Variants in PTPRN2 observed in about 807,000 individuals in gnomAD.
PTPRN2 encodes the protein protein tyrosine phosphatase receptor type N2.
In PTPRN2, 74 loss-of-function variants were observed where a neutral mutation model predicts 118.8. The ratio of observed to expected loss-of-function variants is 0.62; its 90% CI spans 0.52 to 0.76. The LOEUF is 0.76. Ranked by LOEUF, PTPRN2 falls within the 30% of genes least tolerant of loss-of-function variation. The probability of loss-of-function intolerance (pLI) is 0.00; values close to 1 mark genes in which losing one functional copy is unlikely to be tolerated. For missense variants in PTPRN2, 1,481 were observed against 1,394.4 expected (o/e 1.06, Z -0.99); for synonymous variants, 641 against 608.0 (o/e 1.05, Z -0.80).
At chr7:157,940,527 C>T (rs1225739629) in intron 11 of PTPRN2, among the ~76,000 whole-genome samples, 3 of 148,340 alleles carry the variant, frequency 2.0e-5, no homozygotes, top group Non-Finnish European at 3.0e-5. Flanking sequence ...AAATCTCATA[C>T]CCTCCCCTGT....
At chr7:157,877,571 G>A (rs528513810) in intron 12 of PTPRN2, among the ~76,000 whole-genome samples, 17 of 152,280 alleles carry the variant, frequency 1.1e-4, no homozygotes, top group African/African-American at 3.8e-4. Flanking sequence ...GGGTTTCCTC[G>A]GGGTCCTCTC....
At chr7:157,989,043 A>C (rs1312512098) in intron 11 of PTPRN2, among the ~76,000 whole-genome samples, 11 of 152,246 alleles carry the variant, frequency 7.2e-5, no homozygotes, top group Admixed American at 7.2e-4. Flanking sequence ...TAAGGAACTG[A>C]CATTCTAAAG....
At chr7:158,122,066 G>C (rs565322053) in intron 9 of PTPRN2, among the ~76,000 whole-genome samples, 2 of 152,328 alleles carry the variant, frequency 1.3e-5, no homozygotes, top group Admixed American at 1.3e-4. Flanking sequence ...CAGGTGCGAC[G>C]TGCTGTGTCT....
chr7:158,508,588 G>A (rs1175032868), intron 1 of PTPRN2, among the ~76,000 whole-genome samples: 1 of 151,818 alleles, frequency 6.6e-6, no homozygotes, highest in African/African-American at 2.4e-5. Flanking sequence ...AAGTGGCTCC[G>A]CTCCTGTGGG....
At chr7:158,337,764 C>CCA (rs1805972472) in intron 2 of PTPRN2, among the ~76,000 whole-genome samples, 12 of 94,456 alleles carry the variant, frequency 1.3e-4, no homozygotes, top group South Asian at 4.1e-4. Flanking sequence ...GAGGTGACAC[C>CCA]TGCAAACGTC....
chr7:158,530,042 T>C (rs149680903), intron 1 of PTPRN2, among the ~76,000 whole-genome samples: 17 of 152,284 alleles, frequency 1.1e-4, no homozygotes, highest in Middle Eastern at 3.4e-3. Context: ...TCCAAGTTTC[T>C]GTCACAACCA....
chr7:157,561,808 C>T (rs893140141), intron 21 of PTPRN2, among the ~76,000 whole-genome samples: 1 of 152,252 alleles, frequency 6.6e-6, no homozygotes, highest in Non-Finnish European at 1.5e-5. Context: ...ACCTGTCTCT[C>T]GGCAGAGCAG....
intron 2 of PTPRN2, among the ~76,000 whole-genome samples, chr7:158,380,697 C>A (rs1175653947): frequency 6.6e-6 from 1 of 152,240 alleles, no homozygotes; most frequent in African/African-American, 2.4e-5. Flanking sequence ...AGACAGTGCC[C>A]CAGTAGGGAC....
rs189715804 is a variant in PTPRN2, at chr7:158,276,002, T to C, written c.277+40817A>G. Among the ~76,000 whole-genome samples, 181 of 152,324 alleles carry C rather than the reference T, an allele frequency of 1.2e-3. 1 individual carries two copies. Among genetic ancestry groups the C allele is most frequent in the African/African-American group, 2.6e-3 (110 of 41,554 alleles). ...AGCATCCCCGCCGCCTTACACGTGCTATGGCTGCCCTCTGACTCTGCTGCC... is the reference window on the plus strand; with the variant it reads ...AGCATCCCCGCCGCCTTACACGTGCCATGGCTGCCCTCTGACTCTGCTGCC... On this transcript the variant is annotated intron_variant, in intron 3 of 22. Transcript: ENST00000389418.
At chr7:158,431,538 C>T (rs996659807) in intron 2 of PTPRN2, among the ~76,000 whole-genome samples, 6 of 137,014 alleles carry the variant, frequency 4.4e-5, no homozygotes, top group African/African-American at 1.4e-4. Flanking sequence ...TGGCTCACAT[C>T]GAGCACACAC....
At chr7:158,085,152 C>T (rs1181283454) in intron 10 of PTPRN2, among the ~76,000 whole-genome samples, 3 of 134,726 alleles carry the variant, frequency 2.2e-5, no homozygotes, top group Non-Finnish European at 4.8e-5. Flanking sequence ...CATCCACACC[C>T]TCGACGCCCA....
chr7:157,941,796 T>A (rs1047936735), intron 11 of PTPRN2, among the ~76,000 whole-genome samples: 1 of 152,064 alleles, frequency 6.6e-6, no homozygotes, highest in Non-Finnish European at 1.5e-5. Flanking sequence ...TCCCTCCCAA[T>A]AGCCCTCCCA....
At chr7:157,970,174 G>A (rs112781355) in intron 11 of PTPRN2, among the ~76,000 whole-genome samples, 224 of 152,334 alleles carry the variant, frequency 1.5e-3, no homozygotes, top group Middle Eastern at 3.4e-3. Context: ...GGGCCACACT[G>A]TTGGAAATAA....
intron 2 of PTPRN2, among the ~76,000 whole-genome samples, chr7:158,338,263 C>G (rs534991438): frequency 1.3e-5 from 1 of 78,724 alleles, no homozygotes; most frequent in Non-Finnish European, 2.5e-5. Context: ...CACACCCACA[C>G]TCTCACCATA....
intron 12 of PTPRN2, among the ~76,000 whole-genome samples, chr7:157,704,379 A>G (rs1798224916): frequency 6.6e-6 from 1 of 152,204 alleles, no homozygotes; most frequent in Admixed American, 6.5e-5. Flanking sequence ...ATGGATGCCA[A>G]TGGAAATTCT....
intron 4 of PTPRN2, among the ~76,000 whole-genome samples, chr7:158,203,506 G>C (rs896012077): frequency 6.6e-6 from 1 of 152,094 alleles, no homozygotes; most frequent in Admixed American, 6.5e-5. Context: ...TGCTGAGTTT[G>C]ATTTCTCAGA....
At chr7:158,348,180 C>T (rs1291498828) in intron 2 of PTPRN2, among the ~76,000 whole-genome samples, 1 of 152,080 alleles carries the variant, frequency 6.6e-6, no homozygotes, top group Non-Finnish European at 1.5e-5. Flanking sequence ...AGCAGCCATC[C>T]CAACACCACA....
intron 2 of PTPRN2, among the ~76,000 whole-genome samples, chr7:158,338,144 C>T (rs1187549393): frequency 2.2e-4 from 2 of 8,910 alleles, no homozygotes; most frequent in African/African-American, 5.2e-4. Context: ...ATAGAGCTGA[C>T]GCCCGCAGAC....
At chr7:158,518,599 G>C (rs73180236) in intron 1 of PTPRN2, among the ~76,000 whole-genome samples, 39,048 of 152,044 alleles carry the variant, frequency 0.26, 5,093 homozygotes, top group South Asian at 0.38. Flanking sequence ...CATGACCATA[G>C]AGGAAGGACC....
Sources: allele counts gnomAD v4.1 joint callset (sites outside exome capture counted in the v4.1 genomes callset), GRCh38; gene constraint gnomAD v4.1.1; transcripts MANE v1.5; gene names NCBI Gene and HGNC (gene_info 2026-07-23, HGNC 2026-07-21).